MALRD1: variants seen among roughly 807,000 people sequenced by gnomAD.
The protein encoded by MALRD1 is MAM and LDL-receptor class A domain-containing protein 1.
In MALRD1, 247 loss-of-function variants were observed where a neutral mutation model predicts 242.1. The observed-to-expected ratio is 1.02, with a 90% CI of 0.92 to 1.13. The LOEUF (loss-of-function observed/expected upper bound fraction) is 1.13, where lower values mean the gene tolerates loss of function less well. Among genes scored for constraint, MALRD1 ranks in the 50% most tolerant of loss-of-function variants. The pLI is 0.00. For missense variants in MALRD1, 2,989 were observed against 2,533.1 expected, an observed-to-expected ratio of 1.18 and a Z score of -3.86; for synonymous variants, 995 against 866.6, an observed-to-expected ratio of 1.15 and a Z score of -2.60.
intron 38 of MALRD1, among the ~76,000 whole-genome samples, chr10:19,694,387 A>G (rs572551991): frequency 6.6e-6 from 1 of 152,194 alleles, no homozygotes; most frequent in Non-Finnish European, 1.5e-5. Flanking sequence ...CAAGAAAAAA[A>G]CAACCCCATC....
At chr10:19,443,398 T>C (rs1834779592) in intron 28 of MALRD1, among the ~76,000 whole-genome samples, 1 of 152,238 alleles carries the variant, frequency 6.6e-6, no homozygotes, top group South Asian at 2.1e-4. Flanking sequence ...CTTTAGTTCT[T>C]TTAATTGCAA....
intron 21 of MALRD1, among the ~76,000 whole-genome samples, chr10:19,315,580 A>G (rs1236339041): frequency 9.9e-5 from 3 of 30,280 alleles, no homozygotes; most frequent in Non-Finnish European, 2.2e-4. Flanking sequence ...TATATAAATT[A>G]TAAATTATAA....
intron 19 of MALRD1, among the ~76,000 whole-genome samples, chr10:19,264,367 T>A (rs1163332352): frequency 6.6e-6 from 1 of 152,116 alleles, no homozygotes; most frequent in Admixed American, 6.5e-5. Flanking sequence ...TCTATATTCA[T>A]CAGTCATATT....
chr10:19,673,855 T>C (rs1842031179), intron 36 of MALRD1, among the ~76,000 whole-genome samples: 2 of 151,744 alleles, frequency 1.3e-5, no homozygotes, highest in African/African-American at 4.8e-5. Flanking sequence ...ACATAATATT[T>C]AAGTACTTTT....
intron 18 of MALRD1, among the ~76,000 whole-genome samples, chr10:19,210,533 T>C (rs1315926304): frequency 6.6e-6 from 1 of 152,220 alleles, no homozygotes; most frequent in African/African-American, 2.4e-5. Flanking sequence ...CAAATTAATC[T>C]ACACATAATA....
chr10:19,487,488 C>A (rs1332927), intron 29 of MALRD1, among the ~76,000 whole-genome samples: 2 of 150,548 alleles, frequency 1.3e-5, no homozygotes, highest in Non-Finnish European at 3.0e-5. Context: ...AAGAAAATAA[C>A]CCTTATTTAG....
rs183127953 is a variant in MALRD1, at chr10:19,178,867, A to G, written c.1951+3539A>G. On this transcript the variant is annotated intron_variant, in intron 14 of 39. Transcript: ENST00000454679. ...TTACTGACTCCTTCGGCAAATATTT[A>G]TATGTACATATTTACTCTCTGAACG... 1.6e-4 allele frequency among the ~76,000 whole-genome samples: 25 copies of G among 152,314 alleles called. No individual in the cohort carries two copies. In the East Asian group the frequency reaches 4.3e-3, roughly 26 times the overall value.
chr10:19,330,814 T>A (rs1189384844), intron 23 of MALRD1, among the ~76,000 whole-genome samples: 5 of 151,458 alleles, frequency 3.3e-5, no homozygotes, highest in Non-Finnish European at 7.4e-5. Flanking sequence ...CATACATGAA[T>A]CAAAAGCAAA....
At chr10:19,363,973 G>T (rs926668429) in intron 26 of MALRD1, among the ~76,000 whole-genome samples, 3 of 152,176 alleles carry the variant, frequency 2.0e-5, no homozygotes, top group Middle Eastern at 3.4e-3. Flanking sequence ...GTAGTGTTTT[G>T]TGAAGGCCCT....
At chr10:19,137,607 G>GAAAAAAAA (rs34768480) in intron 10 of MALRD1, among the ~76,000 whole-genome samples, 2 of 84,452 alleles carry the variant, frequency 2.4e-5, no homozygotes, top group Non-Finnish European at 4.7e-5. Flanking sequence ...GACTCCGTCT[G>GAAAAAAAA]AAAAAAAAAA....
chr10:19,132,900 C>A (rs143546949), intron 8 of MALRD1, among the ~76,000 whole-genome samples: 1 of 151,842 alleles, frequency 6.6e-6, no homozygotes, highest in African/African-American at 2.4e-5. Flanking sequence ...CCATACATGC[C>A]GTAGACAAAA....
At chr10:19,245,553 A>C (rs1182854944) in intron 18 of MALRD1, among the ~76,000 whole-genome samples, 1 of 152,174 alleles carries the variant, frequency 6.6e-6, no homozygotes, top group East Asian at 1.9e-4. Context: ...TTTTATTTGC[A>C]TGTATGTGAA....
chr10:19,307,189 A>G (rs1467050938), intron 21 of MALRD1, among the ~76,000 whole-genome samples: 1 of 151,490 alleles, frequency 6.6e-6, no homozygotes, highest in Non-Finnish European at 1.5e-5. Flanking sequence ...CCCATTATAT[A>G]CTTTGGTCGG....
intron 18 of MALRD1, among the ~76,000 whole-genome samples, chr10:19,230,295 T>C (rs1379814726): frequency 6.6e-6 from 1 of 152,076 alleles, no homozygotes; most frequent in Non-Finnish European, 1.5e-5. Flanking sequence ...TATAAAGAAA[T>C]ACCTGAGGCT....
At chr10:19,055,876 A>G (rs146496385) in intron 1 of MALRD1, among the ~76,000 whole-genome samples, 2 of 152,326 alleles carry the variant, frequency 1.3e-5, no homozygotes, top group African/African-American at 4.8e-5. Context: ...TGAGGATCGA[A>G]AAACCACCTA....
At chr10:19,305,809 TC>T (rs940139649) in intron 21 of MALRD1, among the ~76,000 whole-genome samples, 2 of 137,988 alleles carry the variant, frequency 1.4e-5, no homozygotes, top group Admixed American at 1.5e-4. Context: ...ATATATACTA[TC>T]TATTATGTAT....
chr10:19,443,982 C>T (rs1378528878), intron 28 of MALRD1, among the ~76,000 whole-genome samples: 2 of 152,182 alleles, frequency 1.3e-5, no homozygotes, highest in African/African-American at 4.8e-5. Flanking sequence ...CTTTATGAAT[C>T]TGGGTGCTCC....
chr10:19,506,653 C>T (rs1363289078), intron 31 of MALRD1, among the ~76,000 whole-genome samples: 1 of 151,762 alleles, frequency 6.6e-6, no homozygotes, highest in Admixed American at 6.6e-5. Context: ...TAAATATTTA[C>T]ATAAAATATA....
At chr10:19,565,498 C>A (rs932143065) in intron 32 of MALRD1, among the ~76,000 whole-genome samples, 1 of 151,932 alleles carries the variant, frequency 6.6e-6, no homozygotes, top group African/African-American at 2.4e-5. Context: ...GGGATGTAAA[C>A]CAAGATTTGT....
Sources: allele counts gnomAD v4.1 joint callset (sites outside exome capture counted in the v4.1 genomes callset), GRCh38; gene constraint gnomAD v4.1.1; transcripts MANE v1.5; gene names NCBI Gene and HGNC (gene_info 2026-07-23, HGNC 2026-07-21).